Variants in NEGR1 observed in about 807,000 individuals in gnomAD.
NEGR1 encodes the protein IgLON family member 4.
A neutral mutation model predicts 40.9 loss-of-function variants in NEGR1; 10 were observed. The observed-to-expected ratio is 0.24, with a 90% CI of 0.15 to 0.42. NEGR1 has a LOEUF of 0.42. NEGR1 is among the 10% of genes least tolerant of loss of function. The probability of loss-of-function intolerance (pLI) is 1.00; values close to 1 mark genes in which losing one functional copy is unlikely to be tolerated. For missense variants in NEGR1, 352 were observed against 438.9 expected (o/e 0.80, Z 1.77); for synonymous variants, 185 against 166.8 (o/e 1.11, Z -0.84).
intron 1 of NEGR1, among the ~76,000 whole-genome samples, chr1:72,047,688 C>T (rs1209632525): frequency 6.6e-6 from 1 of 151,284 alleles, no homozygotes; most frequent in Non-Finnish European, 1.5e-5. Flanking sequence ...TAAGTAATCA[C>T]TCTACTCTTA....
intron 3 of NEGR1, among the ~76,000 whole-genome samples, chr1:71,724,606 T>G (rs1213891481): frequency 6.6e-6 from 1 of 152,176 alleles, no homozygotes; most frequent in African/African-American, 2.4e-5. Flanking sequence ...GCTTTGTTCT[T>G]GGGTATATTT....
chr1:71,764,161 G>A (rs1342775921), intron 3 of NEGR1, among the ~76,000 whole-genome samples: 1 of 152,156 alleles, frequency 6.6e-6, no homozygotes, highest in African/African-American at 2.4e-5. Context: ...GTTTTGGAAT[G>A]ATTTTTTGAA....
intron 2 of NEGR1, among the ~76,000 whole-genome samples, chr1:71,868,469 AG>A (rs1474970839): frequency 7.8e-5 from 6 of 77,144 alleles, no homozygotes; most frequent in African/African-American, 3.1e-4. Context: ...ATAGATAGAC[AG>A]AATACATACA....
intron 2 of NEGR1, among the ~76,000 whole-genome samples, chr1:71,840,847 G>A (rs1478071551): frequency 6.6e-6 from 1 of 152,110 alleles, no homozygotes; most frequent in Non-Finnish European, 1.5e-5. Flanking sequence ...AAAGTAGATT[G>A]CCTTTTATAA....
At chr1:71,987,809 A>T (rs1390103485) in intron 1 of NEGR1, among the ~76,000 whole-genome samples, 2 of 152,302 alleles carry the variant, frequency 1.3e-5, no homozygotes, top group South Asian at 4.1e-4. Flanking sequence ...GCTTTATCAA[A>T]GCCATTTATT....
At chr1:71,919,437 T>A (rs1411232436) in intron 2 of NEGR1, among the ~76,000 whole-genome samples, 1 of 152,172 alleles carries the variant, frequency 6.6e-6, no homozygotes, top group Non-Finnish European at 1.5e-5. Flanking sequence ...TGATAATAGA[T>A]GTTACCAAAT....
rs189550923 is a variant in NEGR1, at chr1:72,044,843, C to T, written c.177-109532G>A. ...AAATGGCTTATGAATAGAGTTAATA[C>T]TTACTTACCTCTGGGTTTTCTTATT... is the stretch of plus-strand genomic sequence containing the variant. On this transcript the variant is annotated intron_variant, in intron 1 of 6. Transcript: ENST00000357731. Among the ~76,000 whole-genome samples, 4 of 151,830 alleles carry T rather than the reference C, an allele frequency of 2.6e-5. No individual in the cohort carries two copies. In the East Asian group the frequency reaches 7.8e-4, roughly 29 times the overall value.
chr1:71,587,536 C>A (rs566212262), intron 6 of NEGR1, among the ~76,000 whole-genome samples: 44 of 152,208 alleles, frequency 2.9e-4, no homozygotes, highest in African/African-American at 9.9e-4. Context: ...ATTGTCTCCA[C>A]AAGGCTGCTA....
At chr1:72,073,452 G>A (rs926081387) in intron 1 of NEGR1, among the ~76,000 whole-genome samples, 3 of 151,996 alleles carry the variant, frequency 2.0e-5, no homozygotes, top group Non-Finnish European at 4.4e-5. Context: ...TCTGTGCAAC[G>A]ATCTATTTTA....
At chr1:71,947,132 G>A (rs1318643290) in intron 1 of NEGR1, among the ~76,000 whole-genome samples, 3 of 122,336 alleles carry the variant, frequency 2.5e-5, no homozygotes, top group South Asian at 5.5e-4. Context: ...ACACACACAC[G>A]TATATGTATA....
In NEGR1 at chr1:71,475,817, AACTT is replaced by A. The variant is rs374436523; in HGVS notation, c.941-68251_941-68248del. On this transcript the variant is annotated intron_variant, in intron 6 of 6. Coordinates refer to ENST00000357731, the MANE Select transcript of NEGR1 (RefSeq NM_173808.3). ...TCTCTCTGGCAAAAATTTATTATCT[AACTT>A]ACTTAATTTATATTCTAATAATTTA... 4.3e-3 allele frequency among the ~76,000 whole-genome samples: 658 copies of A among 152,126 alleles called. 9 individuals carry two copies. The South Asian group carries it at 0.052, about 12-fold the overall frequency.
chr1:71,579,695 C>G (rs576643640), intron 6 of NEGR1, among the ~76,000 whole-genome samples: 135 of 150,790 alleles, frequency 9.0e-4, no homozygotes, highest in Non-Finnish European at 1.2e-3. Flanking sequence ...ATTCCTCCTC[C>G]CCTGATTCTA....
intron 1 of NEGR1, among the ~76,000 whole-genome samples, chr1:72,046,095 A>C (rs891499622): frequency 1.3e-5 from 2 of 151,778 alleles, no homozygotes; most frequent in Non-Finnish European, 2.9e-5. Flanking sequence ...ACTAATGAGG[A>C]AAAACTGTAT....
At chr1:72,123,348 GA>G (rs974563065) in intron 1 of NEGR1, among the ~76,000 whole-genome samples, 34 of 147,534 alleles carry the variant, frequency 2.3e-4, no homozygotes, top group East Asian at 5.9e-4. Flanking sequence ...CATGTAGAAA[GA>G]AAAAAAAAAT....
chr1:71,649,998 G>A (rs1221559548), intron 4 of NEGR1, among the ~76,000 whole-genome samples: 1 of 151,974 alleles, frequency 6.6e-6, no homozygotes, highest in South Asian at 2.1e-4. Context: ...GAAAATACAG[G>A]AATTATACTC....
At chr1:71,530,886 G>A (rs1465390439) in intron 6 of NEGR1, among the ~76,000 whole-genome samples, 1 of 150,990 alleles carries the variant, frequency 6.6e-6, no homozygotes. Context: ...GTCATGAGGA[G>A]GTGTGTGTGT....
At chr1:71,940,948 A>C (rs958239185) in intron 1 of NEGR1, among the ~76,000 whole-genome samples, 2 of 152,180 alleles carry the variant, frequency 1.3e-5, no homozygotes, top group African/African-American at 2.4e-5. Context: ...CACACAGCAG[A>C]ATTTATTCAG....
chr1:71,764,421 T>C (rs1051597758), intron 3 of NEGR1, among the ~76,000 whole-genome samples: 1 of 152,184 alleles, frequency 6.6e-6, no homozygotes, highest in South Asian at 2.1e-4. Flanking sequence ...CTCTCTTTAC[T>C]TTTTTTGCTA....
intron 1 of NEGR1, among the ~76,000 whole-genome samples, chr1:72,002,884 T>C (rs969297139): frequency 1.3e-5 from 2 of 152,202 alleles, no homozygotes; most frequent in African/African-American, 4.8e-5. Context: ...CATGTTTCTA[T>C]GCTGACTAAA....
Sources: gnomAD v4.1 joint callset for allele counts (sites outside exome capture counted in the v4.1 genomes callset) on GRCh38, gnomAD v4.1.1 for gene constraint, MANE v1.5 for transcripts, NCBI Gene and HGNC (gene_info 2026-07-23, HGNC 2026-07-21) for gene names.